SLC4A1: variants seen among roughly 807,000 people sequenced by gnomAD.
SLC4A1 encodes solute carrier family 4 member 1 (Diego blood group), also known as band 3 anion transport protein.
In SLC4A1, 29 loss-of-function variants were observed where a neutral mutation model predicts 93.1. The observed-to-expected ratio is 0.31, with a 90% CI of 0.23 to 0.42. The LOEUF (loss-of-function observed/expected upper bound fraction) is 0.42. SLC4A1 is among the 20% of genes least tolerant of loss of function. SLC4A1 has a pLI of 1.00. For missense variants in SLC4A1, 965 were observed against 1,190.1 expected (o/e 0.81, Z 2.78); for synonymous variants, 469 against 497.2 (o/e 0.94, Z 0.76).
At chr17:44,251,718 T>TAA in intron 17 of SLC4A1, 130 bp from the exon 18 acceptor site, 1 of 553,474 alleles carries the variant, frequency 1.8e-6, no homozygotes, top group Non-Finnish European at 2.9e-6. Flanking sequence ...TCCTTTTCTT[T>TAA]TCTTTTTTTT....
In SLC4A1 at chr17:44,259,341, C is replaced by A. The variant is rs369164512; in HGVS notation, c.698G>T (p.Arg233Leu). 1.9e-6 allele frequency: 3 copies of A among 1,613,338 alleles called. No homozygotes were observed. In the African/African-American group the frequency reaches 4.0e-5, roughly 22 times the overall value. The change falls in exon 9 of 20, where the codon CGC (arginine) becomes CTC (leucine). Residue 233 changes from arginine to leucine, a missense_variant. This residue lies in a region of SLC4A1 where 770 missense variants were observed against 1,006.6 expected (regional missense o/e 0.76). Coordinates refer to ENST00000262418, the MANE Select transcript of SLC4A1 (RefSeq NM_000342.4). ...DSEATLVLVG[R>L]ADFLEQPVLG... ...CACCGGCTGCTCCAGGAAGTCGGCGCGGCCTGTTAGGGGATGAGAAGATCA... is the reference window on the plus strand; with the variant it reads ...CACCGGCTGCTCCAGGAAGTCGGCGAGGCCTGTTAGGGGATGAGAAGATCA...
At chr17:44,251,058 C>A in intron 19 of SLC4A1, 101 bp downstream of exon 19, 1 of 1,319,032 alleles carries the variant, frequency 7.6e-7, no homozygotes, top group Non-Finnish European at 1.1e-6. Context: ...CCAGCCCTAG[C>A]CCCAGACTTT....
In SLC4A1 at chr17:44,258,110, G is replaced by A. The variant is rs375222701; in HGVS notation, c.1158C>T (p.Ile386=). The change falls in exon 11 of 20, where the codon ATC becomes ATT. Residue 386 remains isoleucine (I), a synonymous_variant. Coordinates refer to ENST00000262418, the MANE Select transcript of SLC4A1 (RefSeq NM_000342.4). This position sits in a 1 kb window ranked among gnomAD's most constrained non-coding sequence, Gnocchi z 6.1. ...TCAGGTAATAGGGGTAGCGGCGCCG[G>A]ATATCACGCACCAGGCCCCCGAAGA... The part of the protein sequence containing the change: ...GQLFGGLVRD[I]RRRYPYYLSD... The A allele has an allele frequency of 5.6e-6, 9 of 1,614,088 alleles. No individual in the cohort carries two copies. The highest frequency in any genetic ancestry group is 6.8e-6 in the Non-Finnish European group (8 of 1,179,994).
intron 15 of SLC4A1, 128 bp from the exon 16 acceptor site, chr17:44,254,790 G>C: frequency 1.4e-6 from 1 of 734,094 alleles, no homozygotes; most frequent in Non-Finnish European, 2.3e-6. Flanking sequence ...CTTATATTGA[G>C]CACTTGCTCT....
At chr17:44,254,972 A>G (rs1364036214) in intron 15 of SLC4A1, among the ~76,000 whole-genome samples, 2 of 152,070 alleles carry the variant, frequency 1.3e-5, no homozygotes, top group East Asian at 1.9e-4. Flanking sequence ...ACTTCTTCCT[A>G]CTGCTCTGGG....
intron 13 of SLC4A1, 106 bp downstream of exon 13, chr17:44,257,244 G>A (rs1361202217): frequency 1.3e-5 from 14 of 1,090,688 alleles, no homozygotes; most frequent in East Asian, 7.1e-5. Flanking sequence ...CACCTGCCTC[G>A]GCCTCCCAAA....
At chr17:44,255,026 C>T (rs1345245881) in intron 15 of SLC4A1, among the ~76,000 whole-genome samples, 181 bp downstream of exon 15, 2 of 152,128 alleles carry the variant, frequency 1.3e-5, no homozygotes, top group Admixed American at 6.5e-5. Flanking sequence ...CTTGCTTTGG[C>T]CACAGGGGTC....
At position 44,248,849 on chromosome 17, in the gene SLC4A1, G is replaced by GTTTTTTTTT. The variant is rs57466226; in HGVS notation, c.*1600_*1608dup. On this transcript the variant is annotated 3_prime_UTR_variant, in exon 20 of 20. Transcript: ENST00000262418. ...GCCCCCAAGGCTGATGTTTCCTTCC[G>GTTTTTTTTT]TTTTTTTTTTTTTTTTTTTTTTTTT... The GTTTTTTTTT allele has an allele frequency of 2.8e-4, 20 of 71,768 alleles. 5 individuals carry two copies. Among genetic ancestry groups the GTTTTTTTTT allele is most frequent in the Admixed American group, 4.1e-4 (2 of 4,934 alleles). 4.4% of individuals were successfully genotyped at this position (71,768 alleles called of 1,614,324 possible). A position where few individuals can be genotyped will look rare whatever the true frequency, so the allele number is the denominator to read the frequency against.
intron 14 of SLC4A1, 120 bp from the exon 15 acceptor site, chr17:44,255,416 G>A: frequency 2.5e-6 from 2 of 787,728 alleles, no homozygotes; most frequent in South Asian, 3.1e-5. Flanking sequence ...AGCATCTAAT[G>A]CCCTGTCCTG....
At chr17:44,261,224 TAGAC>T (rs1351743576) in intron 4 of SLC4A1, among the ~76,000 whole-genome samples, 3 of 152,188 alleles carry the variant, frequency 2.0e-5, no homozygotes, top group African/African-American at 2.4e-5. Context: ...TCTAACCACT[TAGAC>T]AGTTCAGTGC....
At chr17:44,264,117 C>T (rs375449867) in intron 1 of SLC4A1, among the ~76,000 whole-genome samples, 4 of 152,328 alleles carry the variant, frequency 2.6e-5, no homozygotes, top group East Asian at 3.9e-4. Context: ...AACCTCCCAC[C>T]TCAGCCTCCA....
At chr17:44,259,614 G>C in intron 7 of SLC4A1, 33 bp from the exon 8 acceptor site, 2 of 1,572,402 alleles carry the variant, frequency 1.3e-6, no homozygotes, top group Non-Finnish European at 1.8e-6. Context: ...GGGAGTCCTC[G>C]GGCCAGTCTG....
intron 17 of SLC4A1, among the ~76,000 whole-genome samples, chr17:44,252,783 A>T (rs2047354111): frequency 6.6e-6 from 1 of 152,176 alleles, no homozygotes; most frequent in Non-Finnish European, 1.5e-5. Flanking sequence ...GGAAACTGAG[A>T]CCCAGAGACA....
chr17:44,267,215 A>T (rs547011994), intron 1 of SLC4A1, among the ~76,000 whole-genome samples: 1 of 152,342 alleles, frequency 6.6e-6, no homozygotes, highest in East Asian at 1.9e-4. Flanking sequence ...TTAGTTGTTA[A>T]GATCACGGAC....
At chr17:44,265,282 T>C (rs2047486588) in intron 1 of SLC4A1, among the ~76,000 whole-genome samples, 1 of 151,876 alleles carries the variant, frequency 6.6e-6, no homozygotes, top group Non-Finnish European at 1.5e-5. Flanking sequence ...AGGATCTGTA[T>C]GGCAGGAAGA....
chr17:44,265,434 A>T (rs992470923), intron 1 of SLC4A1, among the ~76,000 whole-genome samples: 3 of 152,060 alleles, frequency 2.0e-5, no homozygotes, highest in Non-Finnish European at 4.4e-5. Flanking sequence ...CAGTGGCGCG[A>T]TCTTGGCTCA....
intron 16 of SLC4A1, 100 bp downstream of exon 16, chr17:44,254,396 A>G (rs1254003586): frequency 4.5e-6 from 5 of 1,122,252 alleles, no homozygotes; most frequent in South Asian, 1.3e-5. Context: ...ACCCGCAGGG[A>G]CTAGCTTGCA....
intron 7 of SLC4A1, 110 bp from the exon 8 acceptor site, chr17:44,259,691 C>A: frequency 6.5e-7 from 1 of 1,540,034 alleles, no homozygotes; most frequent in Middle Eastern, 1.7e-4. Flanking sequence ...ACCCCCCGGG[C>A]ACAGGAGTGC....
Position 44,253,269 on chromosome 17 carries a change from C to A in SLC4A1, c.2160G>T (p.Gly720=). The stretch of plus-strand genomic sequence containing the variant: ...CGGTGGTGGCACTGAGCCAGGGCAT[C>A]CCAAAGAGGGCGGCCACCCCACCCA... ...VGMGGVAALF[G]MPWLSATTVR... Residue 720 remains glycine, a synonymous_variant, in exon 17 of 20, where the codon GGG becomes GGT. Transcript: ENST00000262418. 1 of 1,614,040 alleles carries A rather than the reference C, an allele frequency of 6.2e-7. No homozygotes were observed. The highest frequency in any genetic ancestry group is 2.2e-5 in the East Asian group (1 of 44,870).
Sources: allele counts gnomAD v4.1 joint callset (sites outside exome capture counted in the v4.1 genomes callset), GRCh38; gene constraint gnomAD v4.1.1; regional missense constraint gnomAD v4.1.1; non-coding constraint Gnocchi (gnomAD v3.1); transcripts MANE v1.5; gene names NCBI Gene and HGNC (gene_info 2026-07-23, HGNC 2026-07-21).